CTNNA3: variants seen among roughly 807,000 people sequenced by gnomAD.
The protein encoded by CTNNA3 is catenin alpha-3.
A neutral mutation model predicts 95.7 loss-of-function variants in CTNNA3; 76 were observed. The observed-to-expected ratio is 0.79, with a 90% CI of 0.66 to 0.96. The LOEUF is 0.96. Among genes scored for constraint, CTNNA3 ranks in the 40% least tolerant of loss-of-function variants. The pLI is 0.00. For synonymous variants in CTNNA3, 431 were observed against 374.4 expected (o/e 1.15, Z -1.74); for missense variants, 1,191 against 1,089.8 (o/e 1.09, Z -1.31).
intron 13 of CTNNA3, among the ~76,000 whole-genome samples, chr10:66,147,608 G>GTTTTTTTTTTTTTT (rs34193216): frequency 9.5e-6 from 1 of 105,766 alleles, no homozygotes; most frequent in Non-Finnish European, 1.9e-5. Context: ...GTTGCTTTCA[G>GTTTTTTTTTTTTTT]TTTTTTTTTT....
At chr10:66,745,128 A>G (rs1237376934) in intron 9 of CTNNA3, among the ~76,000 whole-genome samples, 1 of 152,158 alleles carries the variant, frequency 6.6e-6, no homozygotes, top group Non-Finnish European at 1.5e-5. Flanking sequence ...CTGTCATCAC[A>G]TTCTTAGTTT....
intron 3 of CTNNA3, among the ~76,000 whole-genome samples, chr10:67,575,298 A>G (rs563071808): frequency 1.3e-5 from 2 of 152,026 alleles, no homozygotes; most frequent in East Asian, 3.9e-4. Flanking sequence ...TTTCCCCCAT[A>G]GAGATATTTC....
At chr10:67,233,817 T>A (rs548356324) in intron 5 of CTNNA3, among the ~76,000 whole-genome samples, 64 of 151,678 alleles carry the variant, frequency 4.2e-4, no homozygotes, top group African/African-American at 1.5e-3. Flanking sequence ...CAATAAAAAA[T>A]GATAAAGGGG....
At chr10:66,587,697 C>A (rs2132219048) in intron 10 of CTNNA3, among the ~76,000 whole-genome samples, 1 of 152,322 alleles carries the variant, frequency 6.6e-6, no homozygotes, top group Non-Finnish European at 1.5e-5. Context: ...AAGCCCCACT[C>A]AGCTCCCATG....
intron 15 of CTNNA3, among the ~76,000 whole-genome samples, chr10:66,060,029 T>A (rs1415293779): frequency 1.3e-5 from 2 of 152,108 alleles, no homozygotes. Flanking sequence ...GGAAGAGTTA[T>A]GTTTTGCCTT....
chr10:66,770,271 T>C (rs1459181960), intron 8 of CTNNA3, among the ~76,000 whole-genome samples: 2 of 152,244 alleles, frequency 1.3e-5, no homozygotes, highest in East Asian at 3.8e-4. Context: ...TAGTCATATA[T>C]ACCTACATAT....
chr10:66,164,448 T>G (rs2085017671), intron 13 of CTNNA3, among the ~76,000 whole-genome samples: 1 of 152,106 alleles, frequency 6.6e-6, no homozygotes, highest in Non-Finnish European at 1.5e-5. Context: ...CCACAATCAT[T>G]GATTCAGGAA....
At chr10:66,914,155 G>A (rs1481838251) in intron 7 of CTNNA3, among the ~76,000 whole-genome samples, 2 of 123,252 alleles carry the variant, frequency 1.6e-5, no homozygotes, top group Admixed American at 9.3e-5. Context: ...TTTTGAGACA[G>A]AGTCTCACTC....
At chr10:67,388,966 G>A (rs1304644098) in intron 5 of CTNNA3, among the ~76,000 whole-genome samples, 2 of 152,126 alleles carry the variant, frequency 1.3e-5, no homozygotes, top group Non-Finnish European at 2.9e-5. Flanking sequence ...ATGCCAAAAT[G>A]TAAAGACCAT....
At chr10:67,673,648 T>C (rs1460391366) in intron 1 of CTNNA3, among the ~76,000 whole-genome samples, 6 of 149,058 alleles carry the variant, frequency 4.0e-5, no homozygotes, top group Admixed American at 1.3e-4. Flanking sequence ...GTTCTGTTTA[T>C]ATGCTGGATT....
intron 11 of CTNNA3, among the ~76,000 whole-genome samples, chr10:66,448,921 T>G (rs1164426391): frequency 6.6e-6 from 1 of 152,100 alleles, no homozygotes; most frequent in Non-Finnish European, 1.5e-5. Flanking sequence ...ATTCCTCATA[T>G]TTGGCAGAAC....
At chr10:66,460,233 A>G (rs2093519735) in intron 11 of CTNNA3, among the ~76,000 whole-genome samples, 1 of 152,164 alleles carries the variant, frequency 6.6e-6, no homozygotes, top group Non-Finnish European at 1.5e-5. Flanking sequence ...TCTTCTGTCC[A>G]ATTGTTTTAA....
chr10:66,477,721 T>C (rs1189153353), intron 11 of CTNNA3, among the ~76,000 whole-genome samples: 3 of 152,046 alleles, frequency 2.0e-5, no homozygotes, highest in Non-Finnish European at 4.4e-5. Context: ...CAATACAAAC[T>C]ATAACTTCAC....
At chr10:67,738,065 C>T (rs552207556) in intron 1 of CTNNA3, among the ~76,000 whole-genome samples, 4 of 152,218 alleles carry the variant, frequency 2.6e-5, no homozygotes, top group African/African-American at 7.2e-5. Context: ...TGAAGAAAAC[C>T]GAGGCAACTA....
At chr10:66,741,180 CAGATAAAGGA>C (rs1849314671) in intron 9 of CTNNA3, among the ~76,000 whole-genome samples, 1 of 152,064 alleles carries the variant, frequency 6.6e-6, no homozygotes, top group African/African-American at 2.4e-5. Context: ...CCTTCTGGTG[CAGATAAAGGA>C]AGTCTTCTGG....
chr10:66,665,662 G>A (rs779609203), intron 9 of CTNNA3, among the ~76,000 whole-genome samples: 1 of 152,140 alleles, frequency 6.6e-6, no homozygotes, highest in African/African-American at 2.4e-5. Flanking sequence ...GGCCACATTT[G>A]TCCATTGAGG....
chr10:67,398,030 G>A (rs1844778313), intron 5 of CTNNA3, among the ~76,000 whole-genome samples: 1 of 152,256 alleles, frequency 6.6e-6, no homozygotes, highest in Non-Finnish European at 1.5e-5. Context: ...CTGCTAGGAA[G>A]TGTGGAAGGG....
At position 67,459,823 on chromosome 10, in the gene CTNNA3, A is replaced by G. The variant is rs74144452; in HGVS notation, c.579+62019T>C. ...ATATAACACTACTTCTTATACTTCC[A>G]TCTCTGAACCTGAAGAATCTACATT... is the stretch of plus-strand genomic sequence containing the variant. On this transcript the variant is annotated intron_variant, in intron 5 of 17. Transcript: ENST00000433211. 1.1e-3 allele frequency among the ~76,000 whole-genome samples: 164 copies of G among 152,202 alleles called. 1 individual carries two copies. The highest frequency in any genetic ancestry group is 3.4e-3 in the Middle Eastern group (1 of 294).
chr10:66,173,169 C>T (rs1203146897), intron 13 of CTNNA3, among the ~76,000 whole-genome samples: 1 of 152,070 alleles, frequency 6.6e-6, no homozygotes, highest in Non-Finnish European at 1.5e-5. Flanking sequence ...AAGAATAATA[C>T]ATTTGAACAT....
Sources: gnomAD v4.1 joint callset for allele counts (sites outside exome capture counted in the v4.1 genomes callset) on GRCh38, gnomAD v4.1.1 for gene constraint, MANE v1.5 for transcripts, NCBI Gene and HGNC (gene_info 2026-07-23, HGNC 2026-07-21) for gene names.